Variants in TNNI3K observed in about 807,000 individuals in gnomAD.
TNNI3K encodes the protein TNNI3 interacting kinase, also known as serine/threonine-protein kinase TNNI3K.
TNNI3K carries 140 observed loss-of-function variants against 114.5 expected under a neutral mutation model. That is an observed-to-expected ratio of 1.22 (90% CI 1.07 to 1.41). TNNI3K has a LOEUF of 1.41. Among genes scored for constraint, TNNI3K ranks in the 40% most tolerant of loss-of-function variants. The pLI, the probability that TNNI3K is intolerant of heterozygous loss-of-function variation, is 0.00. For synonymous variants in TNNI3K, 347 were observed against 347.5 expected (o/e 1.00, Z 0.02); for missense variants, 1,125 against 1,007.6 (o/e 1.12, Z -1.58).
rs536598946 is a variant in TNNI3K, at chr1:74,292,122, C to T, written c.444+20414C>T. On this transcript the variant is annotated intron_variant, in intron 5 of 24. Transcript: ENST00000326637. ...TTCCTGATACTGATTATTTTGGTCT[C>T]TCTTTTTGTCGGTCTTATCAGAAAT... 2.0e-5 allele frequency among the ~76,000 whole-genome samples: 3 copies of T among 151,442 alleles called. No individual in the cohort carries two copies. In the South Asian group the frequency reaches 6.2e-4, roughly 31 times the overall value.
At chr1:74,394,081 C>T (rs1261716417) in intron 17 of TNNI3K, among the ~76,000 whole-genome samples, 1 of 152,180 alleles carries the variant, frequency 6.6e-6, no homozygotes, top group Admixed American at 6.5e-5. Context: ...CCGTATGAAA[C>T]TGCCTTTGGT....
chr1:74,353,188 G>A lies in TNNI3K; in HGVS notation c.933-78G>A, dbSNP rs59924195. 79,829 of 1,435,458 alleles carry A rather than the reference G, an allele frequency of 0.056. 2,479 individuals are homozygous for A. The highest frequency in any genetic ancestry group is 0.092 in the African/African-American group (6,372 of 69,342). 88.9% of individuals were successfully genotyped at this position (1,435,458 alleles called of 1,614,324 possible). A position where few individuals can be genotyped will look rare whatever the true frequency, so the allele number is the denominator to read the frequency against. ...TTATAACTTCAGCATATGATTTTTCGAGGTGTAGGGGAGAGGGCACAATTT... is the reference window on the plus strand; with the variant it reads ...TTATAACTTCAGCATATGATTTTTCAAGGTGTAGGGGAGAGGGCACAATTT... On this transcript the variant is annotated intron_variant, in intron 9 of 24. Coordinates refer to ENST00000326637, the MANE Select transcript of TNNI3K (RefSeq NM_015978.3).
chr1:74,395,583 T>A (rs962533529), intron 17 of TNNI3K, among the ~76,000 whole-genome samples: 1 of 152,154 alleles, frequency 6.6e-6, no homozygotes, highest in African/African-American at 2.4e-5. Flanking sequence ...GTTCAGCATT[T>A]TCAGAGGTTG....
intron 23 of TNNI3K, among the ~76,000 whole-genome samples, chr1:74,537,221 C>T (rs1302179353): frequency 6.6e-6 from 1 of 152,184 alleles, no homozygotes; most frequent in Admixed American, 6.6e-5. Flanking sequence ...CTTGTGTTGC[C>T]AAGACTACTT....
intron 20 of TNNI3K, among the ~76,000 whole-genome samples, chr1:74,442,111 G>A (rs1477924688): frequency 2.6e-5 from 4 of 151,334 alleles, no homozygotes; most frequent in African/African-American, 9.7e-5. Flanking sequence ...TCTATTTTGA[G>A]TTCTTATTTT....
rs115136068 is a variant in TNNI3K at position 74,499,030 on chromosome 1, A to G, written c.2351+6764A>G. Among the ~76,000 whole-genome samples, 908 of 152,350 alleles carry G rather than the reference A, an allele frequency of 6.0e-3. 14 individuals carry two copies. Among genetic ancestry groups the G allele is most frequent in the African/African-American group, 0.02 (843 of 41,572 alleles). On this transcript the variant is annotated intron_variant, in intron 23 of 24. Transcript: ENST00000326637. ...TTCATTTTATATTCTATTAATGTGA[A>G]TCTTCATTAGAGAAATGAATAAATA... is the stretch of plus-strand genomic sequence containing the variant.
At chr1:74,470,099 T>A (rs961400795) in intron 21 of TNNI3K, 3 of 400,616 alleles carry the variant, frequency 7.5e-6, no homozygotes, top group African/African-American at 2.1e-5. Flanking sequence ...TCTGGTTGAA[T>A]ATTTTGAACT....
chr1:74,274,443 C>A (rs1193514594), intron 5 of TNNI3K, among the ~76,000 whole-genome samples: 1 of 151,790 alleles, frequency 6.6e-6, no homozygotes, highest in South Asian at 2.1e-4. Flanking sequence ...ATATCTTTAC[C>A]CATACGTGTG....
At chr1:74,509,209 A>G (rs148756691) in intron 23 of TNNI3K, among the ~76,000 whole-genome samples, 1 of 152,164 alleles carries the variant, frequency 6.6e-6, no homozygotes, top group African/African-American at 2.4e-5. Context: ...TTGATTGTCA[A>G]ATTTGACAGT....
chr1:74,333,041 C>A (rs1393898252), intron 6 of TNNI3K, among the ~76,000 whole-genome samples: 1 of 149,990 alleles, frequency 6.7e-6, no homozygotes, highest in East Asian at 2.0e-4. Context: ...ATTGAATACT[C>A]CATTTTCACT....
chr1:74,266,480 G>C (rs1655996583), intron 4 of TNNI3K, among the ~76,000 whole-genome samples: 1 of 151,906 alleles, frequency 6.6e-6, no homozygotes, highest in Admixed American at 6.6e-5. Context: ...AATCCACCCA[G>C]GTTCAAGGGG....
intron 21 of TNNI3K, among the ~76,000 whole-genome samples, chr1:74,485,457 G>A (rs543387207): frequency 2.0e-5 from 3 of 152,246 alleles, no homozygotes; most frequent in African/African-American, 7.2e-5. Context: ...CTTTTTCCAG[G>A]ATCTCCTCTC....
intron 23 of TNNI3K, among the ~76,000 whole-genome samples, chr1:74,503,012 T>C (rs996389225): frequency 1.3e-5 from 2 of 152,248 alleles, no homozygotes; most frequent in African/African-American, 4.8e-5. Context: ...ATAGCTCTAC[T>C]TCAGCATGAT....
intron 21 of TNNI3K, chr1:74,483,232 A>T (rs1438907250): frequency 1.4e-6 from 1 of 716,218 alleles, no homozygotes; most frequent in South Asian, 1.5e-5. Context: ...TACACTGAGC[A>T]CTGCTTTTTA....
At chr1:74,275,942 C>T (rs947477444) in intron 5 of TNNI3K, among the ~76,000 whole-genome samples, 3 of 151,988 alleles carry the variant, frequency 2.0e-5, no homozygotes, top group Non-Finnish European at 2.9e-5. Flanking sequence ...ATTTTTCCCC[C>T]ATAGGAAACA....
At chr1:74,492,321 A>C in intron 23 of TNNI3K, 55 bp downstream of exon 23, 2 of 1,408,972 alleles carry the variant, frequency 1.4e-6, no homozygotes, top group Admixed American at 2.1e-5. Context: ...GAATCTTATC[A>C]AGACAGTCAA....
At chr1:74,524,582 C>T (rs1276757872) in intron 23 of TNNI3K, among the ~76,000 whole-genome samples, 1 of 152,092 alleles carries the variant, frequency 6.6e-6, no homozygotes, top group East Asian at 1.9e-4. Context: ...TTTCTTGGTT[C>T]TAAGAGCAAT....
intron 5 of TNNI3K, among the ~76,000 whole-genome samples, chr1:74,292,241 T>G (rs2100291376): frequency 6.6e-6 from 1 of 151,618 alleles, no homozygotes; most frequent in South Asian, 2.1e-4. Context: ...TTTTAATCAA[T>G]TTCTGCTTTT....
chr1:74,480,106 T>C (rs559019679), intron 21 of TNNI3K: 5 of 666,274 alleles, frequency 7.5e-6, no homozygotes, highest in South Asian at 6.8e-5. Flanking sequence ...TGCAAAAATA[T>C]GGACAAGAGA....
Sources: gnomAD v4.1 joint callset for allele counts (sites outside exome capture counted in the v4.1 genomes callset) on GRCh38, gnomAD v4.1.1 for gene constraint, MANE v1.5 for transcripts, NCBI Gene and HGNC (gene_info 2026-07-23, HGNC 2026-07-21) for gene names.